TDRD5: variants seen among roughly 807,000 people sequenced by gnomAD.
The protein encoded by TDRD5 is tudor domain containing 5, also known as tudor domain-containing protein 5.
Under a neutral mutation model 120.6 loss-of-function variants are expected in TDRD5, and 41 were observed. That is an observed-to-expected ratio of 0.34 (90% CI 0.26 to 0.44). The LOEUF is 0.44. TDRD5 is among the 20% of genes least tolerant of loss of function. The pLI, the probability that TDRD5 is intolerant of heterozygous loss-of-function variation, is 1.00. For synonymous variants in TDRD5, 430 were observed against 433.7 expected (o/e 0.99, Z 0.11); for missense variants, 1,006 against 1,221.2 (o/e 0.82, Z 2.63).
chr1:179,636,454 G>A (rs1677768893), intron 9 of TDRD5, among the ~76,000 whole-genome samples: 1 of 152,148 alleles, frequency 6.6e-6, no homozygotes, highest in Non-Finnish European at 1.5e-5. Context: ...CAGTGTAATT[G>A]CTGGCCCTGG....
intron 6 of TDRD5, among the ~76,000 whole-genome samples, chr1:179,628,547 C>G (rs1202256531): frequency 6.6e-6 from 1 of 151,352 alleles, no homozygotes; most frequent in Non-Finnish European, 1.5e-5. Flanking sequence ...CTCAAGCAGT[C>G]CCTCCTGCCT....
At chr1:179,663,597 T>C in intron 16 of TDRD5, 106 bp downstream of exon 16, 3 of 1,399,792 alleles carry the variant, frequency 2.1e-6, no homozygotes. Context: ...TGCCTGTCTC[T>C]TAACAGCTTG....
At chr1:179,656,414 C>T (rs1679010844) in intron 14 of TDRD5, among the ~76,000 whole-genome samples, 1 of 152,146 alleles carries the variant, frequency 6.6e-6, no homozygotes, top group African/African-American at 2.4e-5. Flanking sequence ...GTCTTTCATA[C>T]AGAAGTTTTT....
chr1:179,632,487 C>T (rs116090734), intron 7 of TDRD5, among the ~76,000 whole-genome samples: 1,520 of 151,372 alleles, frequency 0.01, 31 homozygotes, highest in African/African-American at 0.034. Flanking sequence ...ATAAACAGCA[C>T]AGATGAGTAG....
At chr1:179,640,072 A>G in intron 10 of TDRD5, 21 bp downstream of exon 10, 1 of 1,609,500 alleles carries the variant, frequency 6.2e-7, no homozygotes, top group South Asian at 1.1e-5. Flanking sequence ...TTGAATTAGA[A>G]CAATGGATGA....
intron 13 of TDRD5, among the ~76,000 whole-genome samples, chr1:179,653,492 T>A (rs1678829839): frequency 6.6e-6 from 1 of 152,202 alleles, no homozygotes; most frequent in African/African-American, 2.4e-5. Context: ...ATGAAGCTTG[T>A]ATGCCCATAA....
At chr1:179,639,793 A>G in intron 9 of TDRD5, 46 bp from the exon 10 acceptor site, 1 of 1,572,514 alleles carries the variant, frequency 6.4e-7, no homozygotes, top group Non-Finnish European at 8.6e-7. Flanking sequence ...ATTATCTTTA[A>G]TTTTTTCTTC....
In TDRD5 at chr1:179,618,511, AT is replaced by A. The variant is rs996205789; in HGVS notation, c.832-82del. 7.9e-6 allele frequency: 7 copies of A among 880,522 alleles called. No individual in the cohort carries two copies. In the East Asian group the frequency reaches 1.6e-4, roughly 21 times the overall value. 54.5% of individuals were successfully genotyped at this position (880,522 alleles called of 1,614,324 possible). The stretch of plus-strand genomic sequence containing the variant: ...AATTGCAATATGTCTCCTTTTATAG[AT>A]TTTTTCTTTACATATTGCTTAGATC... On this transcript the variant is annotated intron_variant, in intron 4 of 17. Coordinates refer to ENST00000444136, the MANE Select transcript of TDRD5 (RefSeq NM_001199085.3).
At chr1:179,667,855 C>A (rs1476128374) in intron 16 of TDRD5, among the ~76,000 whole-genome samples, 1 of 152,156 alleles carries the variant, frequency 6.6e-6, no homozygotes, top group Non-Finnish European at 1.5e-5. Flanking sequence ...TGCCAGCCAT[C>A]TTTGAAAGTG....
chr1:179,602,268 T>C (rs1185308751), intron 4 of TDRD5, among the ~76,000 whole-genome samples: 1 of 152,242 alleles, frequency 6.6e-6, no homozygotes, highest in African/African-American at 2.4e-5. Flanking sequence ...TAAGGTAGTA[T>C]CTCATTGTGG....
Position 179,665,212 on chromosome 1 carries a change from T to C in TDRD5, c.2649+1721T>C, listed in dbSNP as rs115808022. Reference sequence around the variant, plus strand: ...TTTTCTACTCTTCTGTTTTTCTTTTTCACTTAATGGTGTCCATTGCAGCAC... The same window carrying C: ...TTTTCTACTCTTCTGTTTTTCTTTTCCACTTAATGGTGTCCATTGCAGCAC... On this transcript the variant is annotated intron_variant, in intron 16 of 17. Coordinates refer to ENST00000444136, the MANE Select transcript of TDRD5 (RefSeq NM_001199085.3). Among the ~76,000 whole-genome samples the C allele has an allele frequency of 2.2e-3, 338 of 152,312 alleles. 6 individuals are homozygous for C. Among genetic ancestry groups the C allele is most frequent in the African/African-American group, 7.7e-3 (319 of 41,590 alleles).
chr1:179,622,833 T>C (rs1484743710), intron 6 of TDRD5, among the ~76,000 whole-genome samples: 3 of 152,046 alleles, frequency 2.0e-5, no homozygotes, highest in Non-Finnish European at 4.4e-5. Context: ...AGAAATATAT[T>C]TGAAAAAATA....
At chr1:179,689,749 A>G (rs376175946) in intron 17 of TDRD5, among the ~76,000 whole-genome samples, 2 of 152,152 alleles carry the variant, frequency 1.3e-5, no homozygotes, top group African/African-American at 2.4e-5. Context: ...AACCTCAGCA[A>G]TGGCGGGCAC....
chr1:179,651,186 C>T lies in TDRD5; in HGVS notation c.2001+119C>T, dbSNP rs191137733. The T allele has an allele frequency of 3.1e-5, 35 of 1,122,102 alleles. No individual in the cohort carries two copies. The East Asian group carries it at 3.4e-4, about 11-fold the overall frequency. The allele number at this position is 1,122,102 out of a possible 1,614,324, so 69.5% of individuals were successfully genotyped here. ...TTCTTTAACCAATTAGAGACATCCA[C>T]GAGATTCCTGGCTTTTTAATGCAGA... On this transcript the variant is annotated intron_variant, in intron 12 of 17. Transcript: ENST00000444136.
At position 179,614,598 on chromosome 1, in the gene TDRD5, C is replaced by T. The variant is rs146421949; in HGVS notation, c.832-4001C>T. ...TCCATAAGAATTGTTTCAGTTGACA[C>T]TCACATAGATTGTGTGTGTGCTCCT... On this transcript the variant is annotated intron_variant, in intron 4 of 17. Transcript: ENST00000444136. 2.6e-3 allele frequency among the ~76,000 whole-genome samples: 396 copies of T among 152,178 alleles called. 2 individuals are homozygous for T. Among genetic ancestry groups the T allele is most frequent in the African/African-American group, 9.3e-3 (384 of 41,512 alleles).
chr1:179,662,332 G>C, intron 15 of TDRD5, 46 bp downstream of exon 15: 1 of 1,568,164 alleles, frequency 6.4e-7, no homozygotes. Context: ...CGGGCACTGC[G>C]GCTCAAGCCT....
At chr1:179,675,273 A>ATTATTTTTTTT (rs1444171268) in intron 17 of TDRD5, among the ~76,000 whole-genome samples, 10 of 66,612 alleles carry the variant, frequency 1.5e-4, no homozygotes, top group East Asian at 1.2e-3. Flanking sequence ...TATTATTATT[A>ATTATTTTTTTT]TTTTTTTTTT....
At chr1:179,615,747 C>A (rs1353027651) in intron 4 of TDRD5, among the ~76,000 whole-genome samples, 1 of 151,296 alleles carries the variant, frequency 6.6e-6, no homozygotes, top group African/African-American at 2.4e-5. Context: ...TTAAAGTCAC[C>A]TTAATTTAGA....
At chr1:179,608,233 G>C (rs1676085314) in intron 4 of TDRD5, among the ~76,000 whole-genome samples, 1 of 151,722 alleles carries the variant, frequency 6.6e-6, no homozygotes. Flanking sequence ...GTTTTCCACA[G>C]TTTGATTGTA....
Sources: gnomAD v4.1 joint callset for allele counts (sites outside exome capture counted in the v4.1 genomes callset) on GRCh38, gnomAD v4.1.1 for gene constraint, MANE v1.5 for transcripts, NCBI Gene and HGNC (gene_info 2026-07-23, HGNC 2026-07-21) for gene names.